ARMC3: variants seen among roughly 807,000 people sequenced by gnomAD.
ARMC3 encodes armadillo repeat-containing protein 3.
In ARMC3, 74 loss-of-function variants were observed where a neutral mutation model predicts 90.3. That is an observed-to-expected ratio of 0.82 (90% CI 0.68 to 0.99). The LOEUF (loss-of-function observed/expected upper bound fraction) is 0.99. Ranked by LOEUF, ARMC3 falls within the 50% of genes least tolerant of loss-of-function variation. ARMC3 has a pLI of 0.00. For synonymous variants in ARMC3, 334 were observed against 361.8 expected (o/e 0.92, Z 0.87); for missense variants, 958 against 1,042.8 (o/e 0.92, Z 1.12).
intron 16 of ARMC3, among the ~76,000 whole-genome samples, chr10:23,012,273 A>G (rs1838049277): frequency 6.6e-6 from 1 of 152,156 alleles, no homozygotes; most frequent in Admixed American, 6.5e-5. Context: ...TAACTGTGAA[A>G]CACTCACATC....
chr10:22,939,396 A>T lies in ARMC3; in HGVS notation c.49-6748A>T, dbSNP rs746091999. Among the ~76,000 whole-genome samples, 22 of 152,128 alleles carry T rather than the reference A, an allele frequency of 1.4e-4. 1 individual carries two copies. Among genetic ancestry groups the T allele is most frequent in the Admixed American group, 2.0e-4 (3 of 15,266 alleles). ...CAACTCTCAGGGTGCCGTTAAGTCA[A>T]ACCCTCTCTAGAGCTCACACCGGTC... On this transcript the variant is annotated intron_variant, in intron 2 of 18. Coordinates refer to ENST00000298032, the MANE Select transcript of ARMC3 (RefSeq NM_173081.5).
intron 15 of ARMC3, among the ~76,000 whole-genome samples, 189 bp from the exon 16 acceptor site, chr10:23,008,626 C>T (rs530862493): frequency 1.3e-5 from 2 of 152,226 alleles, no homozygotes; most frequent in East Asian, 1.9e-4. Flanking sequence ...GTGTGGGTTT[C>T]GTTTCCTTAG....
intron 1 of ARMC3, among the ~76,000 whole-genome samples, chr10:22,930,512 G>A (rs1026922440): frequency 2.6e-5 from 4 of 152,116 alleles, no homozygotes; most frequent in Admixed American, 2.6e-4. Flanking sequence ...TAATATATTG[G>A]CTATTGTGTG....
rs577382752 is a variant in ARMC3, at chr10:22,938,198, G to C, written c.48+6154G>C. On this transcript the variant is annotated intron_variant, in intron 2 of 18. Transcript: ENST00000298032. ...GGGTAATCTGTGCAAATATCTGGGAGGGGACCCCAGCCAGACCACAGTAAC... is the reference window on the plus strand; with the variant it reads ...GGGTAATCTGTGCAAATATCTGGGACGGGACCCCAGCCAGACCACAGTAAC... 1.2e-4 allele frequency among the ~76,000 whole-genome samples: 18 copies of C among 152,222 alleles called. No individual in the cohort carries two copies. The South Asian group carries it at 3.5e-3, about 30-fold the overall frequency.
At chr10:23,029,230 C>T (rs1273009291) in intron 16 of ARMC3, among the ~76,000 whole-genome samples, 1 of 152,148 alleles carries the variant, frequency 6.6e-6, no homozygotes, top group Admixed American at 6.5e-5. Context: ...TGCTGATGTT[C>T]ACTTCCAGTT....
chr10:22,985,783 A>G (rs1836393072), intron 10 of ARMC3, among the ~76,000 whole-genome samples: 2 of 152,242 alleles, frequency 1.3e-5, no homozygotes, highest in South Asian at 4.1e-4. Context: ...TAAAATAGAC[A>G]TAAAATATAT....
chr10:23,022,199 T>C (rs560452716), intron 16 of ARMC3, among the ~76,000 whole-genome samples: 2 of 152,348 alleles, frequency 1.3e-5, no homozygotes, highest in South Asian at 4.1e-4. Context: ...AGCATTAATT[T>C]TGAGTTAATT....
intron 9 of ARMC3, 29 bp downstream of exon 9, chr10:22,981,521 G>A (rs762500605): frequency 2.5e-6 from 4 of 1,613,044 alleles, no homozygotes; most frequent in Admixed American, 1.7e-5. Context: ...ATTCTTTTGA[G>A]CATTTTTAGG....
At chr10:22,992,422 T>TG (rs1011726656) in intron 10 of ARMC3, among the ~76,000 whole-genome samples, 16 of 151,670 alleles carry the variant, frequency 1.1e-4, no homozygotes, top group African/African-American at 3.1e-4. Flanking sequence ...CCTAGCATTT[T>TG]GCGGGGGGCA....
At chr10:23,027,149 T>C (rs115095176) in intron 16 of ARMC3, among the ~76,000 whole-genome samples, 3,336 of 152,290 alleles carry the variant, frequency 0.022, 118 homozygotes, top group African/African-American at 0.076. Flanking sequence ...TTCTATTATA[T>C]GTCTAGAAAA....
chr10:22,946,268 A>AT lies in ARMC3; in HGVS notation c.166+14dup, dbSNP rs565587591. Reference sequence around the variant, plus strand: ...TATAAATTTGCTTTAAAAGGTTTGGATTTTTTTCAGTTTATCTTTCTGTTT... The same window carrying AT: ...TATAAATTTGCTTTAAAAGGTTTGGATTTTTTTTCAGTTTATCTTTCTGTTT... On this transcript the variant is annotated splice_region_variant and intron_variant, in intron 3 of 18. Transcript: ENST00000298032. The AT allele has an allele frequency of 1.5e-4, 239 of 1,551,232 alleles. 5 individuals carry two copies. The African/African-American group carries it at 2.9e-3, about 19-fold the overall frequency.
chr10:22,939,364 G>C (rs1032176149), intron 2 of ARMC3, among the ~76,000 whole-genome samples: 2 of 152,138 alleles, frequency 1.3e-5, no homozygotes, highest in Non-Finnish European at 2.9e-5. Context: ...CAAAGGACAT[G>C]CATGAACAAC....
At chr10:22,945,894 T>C (rs1447669507) in intron 2 of ARMC3, among the ~76,000 whole-genome samples, 2 of 152,212 alleles carry the variant, frequency 1.3e-5, no homozygotes, top group Non-Finnish European at 2.9e-5. Context: ...CATGGCTAAA[T>C]TGAGAAACTA....
chr10:22,992,329 C>T (rs932264757), intron 10 of ARMC3, among the ~76,000 whole-genome samples: 6 of 152,262 alleles, frequency 3.9e-5, no homozygotes, highest in Middle Eastern at 3.4e-3. Context: ...GCGGCTGCAA[C>T]ATCAAAGAGA....
intron 8 of ARMC3, among the ~76,000 whole-genome samples, chr10:22,973,596 CAG>C (rs1016061688): frequency 3.3e-5 from 5 of 150,926 alleles, no homozygotes; most frequent in Non-Finnish European, 7.4e-5. Flanking sequence ...CTGTAGAATG[CAG>C]AGTTTATCTT....
At position 23,008,290 on chromosome 10, in the gene ARMC3, C is replaced by T; in HGVS notation, c.1844C>T (p.Ser615Phe). Residue 615 changes from serine (S) to phenylalanine (F), a missense_variant, in exon 15 of 19, where the codon TCT becomes TTT. By Grantham distance (155) the Ser-to-Phe change is radical. Coordinates refer to ENST00000298032, the MANE Select transcript of ARMC3 (RefSeq NM_173081.5). ...NSKSYVSPPSSMEDKSDVGYG... is the reference protein window; with the variant it reads ...NSKSYVSPPSFMEDKSDVGYG... ...TAAAATTTTAGTTCTCCACCTTCAT[C>T]TATGGAAGATAAATCAGATGTTGGT... The T allele has an allele frequency of 6.5e-7, 1 of 1,530,510 alleles. No individual in the cohort carries two copies. Among genetic ancestry groups the T allele is most frequent in the Non-Finnish European group, 8.9e-7 (1 of 1,124,388 alleles). The allele number at this position is 1,530,510 out of a possible 1,614,324, so 94.8% of individuals were successfully genotyped here. A position where few individuals can be genotyped will look rare whatever the true frequency, so the allele number is the denominator to read the frequency against.
At chr10:23,034,881 A>G (rs1302631333) in intron 18 of ARMC3, among the ~76,000 whole-genome samples, 1 of 152,048 alleles carries the variant, frequency 6.6e-6, no homozygotes, top group Non-Finnish European at 1.5e-5. Context: ...CCTAAAATCT[A>G]CAGATTATTT....
At chr10:22,934,335 A>G (rs1373109091) in intron 2 of ARMC3, among the ~76,000 whole-genome samples, 1 of 152,244 alleles carries the variant, frequency 6.6e-6, no homozygotes, top group African/African-American at 2.4e-5. Context: ...CAGATATAGT[A>G]CTGATTACAT....
intron 2 of ARMC3, among the ~76,000 whole-genome samples, chr10:22,935,604 T>C (rs1834076970): frequency 6.6e-6 from 1 of 152,220 alleles, no homozygotes; most frequent in Non-Finnish European, 1.5e-5. Context: ...TTATCATTTA[T>C]TTTGCTATGT....
Sources: allele counts gnomAD v4.1 joint callset (sites outside exome capture counted in the v4.1 genomes callset), GRCh38; gene constraint gnomAD v4.1.1; transcripts MANE v1.5; gene names NCBI Gene and HGNC (gene_info 2026-07-23, HGNC 2026-07-21).